TENM1: variants seen among roughly 807,000 people sequenced by gnomAD.
TENM1 encodes the protein teneurin transmembrane protein 1.
A neutral mutation model predicts 174.8 loss-of-function variants in TENM1; 35 were observed. The ratio of observed to expected loss-of-function variants is 0.20; its 90% CI spans 0.15 to 0.27. The LOEUF is 0.27. Ranked by LOEUF, TENM1 falls within the 10% of genes least tolerant of loss-of-function variation. The probability of loss-of-function intolerance (pLI) is 1.00; values close to 1 mark genes in which losing one functional copy is unlikely to be tolerated. For synonymous variants in TENM1, 781 were observed against 798.7 expected, an observed-to-expected ratio of 0.98 and a Z score of 0.37; for missense variants, 1,633 against 2,130.1, an observed-to-expected ratio of 0.77 and a Z score of 4.59.
the TENM1 span, among the ~76,000 whole-genome samples, chrX:124,991,083 C>A: frequency 1.3e-4 from 15 of 111,449 alleles, no homozygotes; most frequent in South Asian, 3.8e-4. Flanking sequence ...TATGATTGTG[C>A]ATTTGTTGTT....
intron 3 of TENM1, among the ~76,000 whole-genome samples, chrX:124,759,767 A>G (rs775659691): frequency 2.0e-4 from 23 of 112,330 alleles, no homozygotes; most frequent in Non-Finnish European, 4.1e-4. Context: ...ACCTGGAGAT[A>G]TACATCCATA....
chrX:125,068,700 T>C, the TENM1 span, among the ~76,000 whole-genome samples: 2 of 111,121 alleles, frequency 1.8e-5, no homozygotes, highest in Admixed American at 1.9e-4. Flanking sequence ...GAGAAGAAGG[T>C]AGGTATGAAG....
chrX:124,872,878 T>C (rs2057135476), intron 3 of TENM1, among the ~76,000 whole-genome samples: 1 of 111,768 alleles, frequency 8.9e-6, no homozygotes, highest in Non-Finnish European at 1.9e-5. Context: ...CATGGGGCTG[T>C]AATTTCATTA....
At chrX:125,027,426 A>T in the TENM1 span, among the ~76,000 whole-genome samples, 1 of 111,489 alleles carries the variant, frequency 9.0e-6, no homozygotes, top group Non-Finnish European at 1.9e-5. Context: ...ACGAAAGGAG[A>T]GATAAAGTAT....
chrX:125,078,487 T>A, the TENM1 span, among the ~76,000 whole-genome samples: 3 of 111,289 alleles, frequency 2.7e-5, no homozygotes, highest in African/African-American at 9.8e-5. Flanking sequence ...TCTAACAAAG[T>A]AAAATAGGTA....
chrX:124,999,608 A>G, the TENM1 span, among the ~76,000 whole-genome samples: 2 of 111,118 alleles, frequency 1.8e-5, no homozygotes, highest in South Asian at 7.6e-4. Flanking sequence ...AGATAGTATG[A>G]TGGACTCAGA....
chrX:125,019,340 T>C, the TENM1 span, among the ~76,000 whole-genome samples: 9 of 111,424 alleles, frequency 8.1e-5, no homozygotes, highest in African/African-American at 1.9e-4. Flanking sequence ...AAATTAAATA[T>C]AAATTTAATT....
At chrX:125,034,570 CT>C in the TENM1 span, among the ~76,000 whole-genome samples, 7 of 111,734 alleles carry the variant, frequency 6.3e-5, no homozygotes, top group Non-Finnish European at 1.3e-4. Flanking sequence ...CAATATAATG[CT>C]TTTGAATAAA....
chrX:124,790,942 T>C (rs919700462), intron 3 of TENM1, among the ~76,000 whole-genome samples: 1 of 111,758 alleles, frequency 8.9e-6, no homozygotes, highest in Non-Finnish European at 1.9e-5. Flanking sequence ...CTTAGGCTTC[T>C]ACTGTGAAGA....
rs1395126402 is a variant in TENM1 at position 124,833,787 on chromosome X, G to A, written c.535+60509C>T. Among the ~76,000 whole-genome samples, 6 of 111,127 alleles carry A rather than the reference G, an allele frequency of 5.4e-5. No individual in the cohort carries two copies. The Admixed American group carries it at 5.8e-4, about 11-fold the overall frequency. The stretch of plus-strand genomic sequence containing the variant: ...AATTATGGGAGTTACTGTAGATTAT[G>A]TCCTTTCTATCAACCCCTGCATATA... On this transcript the variant is annotated intron_variant, in intron 3 of 31. Transcript: ENST00000422452.
At position 124,675,152 on chromosome X, in the gene TENM1, T is replaced by C. The variant is rs1253970351; in HGVS notation, c.1016-3317A>G. On this transcript the variant is annotated intron_variant, in intron 5 of 31. Transcript: ENST00000422452. ...AAGCTTTGTAATTTTTTGAACTTAC[T>C]ATATCTTTCCCAGGGAACAAGCTGT... 3.6e-5 allele frequency among the ~76,000 whole-genome samples: 4 copies of C among 111,973 alleles called. No individual in the cohort carries two copies. In the Admixed American group the frequency reaches 3.8e-4, roughly 11 times the overall value.
intron 5 of TENM1, chrX:124,688,447 T>C (rs1293856726): frequency 2.7e-5 from 3 of 109,637 alleles, no homozygotes; most frequent in African/African-American, 1.0e-4. Context: ...AAGTACAATT[T>C]CCACTTTATT....
chrX:124,961,786 T>C (rs1229767511), intron 1 of TENM1, among the ~76,000 whole-genome samples: 1 of 111,896 alleles, frequency 8.9e-6, no homozygotes, highest in Admixed American at 9.5e-5. Context: ...TGAAAGATGG[T>C]TGAATATGCA....
rs112949098 is a variant in TENM1 at position 124,954,786 on chromosome X, C to G, written c.217+8751G>C. ...CATAGTGGTCAACAATATTTATTGT[C>G]ATTAATGTTCCCACATCTCCATCTA... is the stretch of plus-strand genomic sequence containing the variant. On this transcript the variant is annotated intron_variant, in intron 1 of 31. Transcript: ENST00000422452. Among the ~76,000 whole-genome samples, 866 of 111,686 alleles carry G rather than the reference C, an allele frequency of 7.8e-3. 10 individuals are homozygous for G. The highest frequency in any genetic ancestry group is 0.027 in the African/African-American group (818 of 30,742).
intron 22 of TENM1, among the ~76,000 whole-genome samples, chrX:124,454,958 C>T (rs920879751): frequency 2.7e-5 from 3 of 111,995 alleles, no homozygotes; most frequent in Admixed American, 9.5e-5. Flanking sequence ...ACACAACACA[C>T]AAACACACAC....
At chrX:124,610,528 T>G in intron 11 of TENM1, among the ~76,000 whole-genome samples, 1 of 111,746 alleles carries the variant, frequency 8.9e-6, no homozygotes, top group Middle Eastern at 4.6e-3. Flanking sequence ...ACTCTTTGAT[T>G]ACAATAAGTA....
chrX:124,566,212 A>G (rs752462074), intron 11 of TENM1, among the ~76,000 whole-genome samples: 2 of 112,347 alleles, frequency 1.8e-5, no homozygotes, highest in Non-Finnish European at 3.8e-5. Flanking sequence ...AAAGATGCCA[A>G]TGATGACAAC....
At chrX:125,144,661 G>T in the TENM1 span, among the ~76,000 whole-genome samples, 343 of 111,436 alleles carry the variant, frequency 3.1e-3, no homozygotes, top group Middle Eastern at 9.3e-3. Flanking sequence ...TGGAGGTAAC[G>T]AACAACCATG....
At chrX:125,009,758 ATAAACAGAAC>A in the TENM1 span, among the ~76,000 whole-genome samples, 1 of 112,226 alleles carries the variant, frequency 8.9e-6, no homozygotes, top group African/African-American at 3.2e-5. Context: ...AATCCATCAC[ATAAACAGAAC>A]TAATGACAAA....
Sources: allele counts gnomAD v4.1 joint callset (sites outside exome capture counted in the v4.1 genomes callset), GRCh38; gene constraint gnomAD v4.1.1; transcripts MANE v1.5; gene names NCBI Gene and HGNC (gene_info 2026-07-23, HGNC 2026-07-21).